The following ZNF331 variants were observed in gnomAD, a reference collection of about 807,000 sequenced individuals.
ZNF331 encodes the protein zinc finger protein 331.
A neutral mutation model predicts 7.0 loss-of-function variants in ZNF331; 2 were observed. The ratio of observed to expected loss-of-function variants is 0.29; its 90% CI spans 0.12 to 0.90. ZNF331 has a LOEUF of 0.90. ZNF331 is among the 40% of genes least tolerant of loss of function. The pLI is 0.58. For missense variants in ZNF331, 432 were observed against 587.7 expected, an observed-to-expected ratio of 0.74 and a Z score of 2.74; for synonymous variants, 196 against 205.4, an observed-to-expected ratio of 0.95 and a Z score of 0.39.
chr19:53,569,348 A>C lies in ZNF331; in HGVS notation c.-29A>C, dbSNP rs1225986884. On this transcript the variant is annotated 5_prime_UTR_variant, in exon 4 of 6. Coordinates refer to ENST00000449416, the MANE Select transcript of ZNF331 (RefSeq NM_001079906.2). The stretch of plus-strand genomic sequence containing the variant: ...GTCTTCTTCAGTGGAAACCCCGAGA[A>C]GACTGATCAGTTCTTCAGTTCTAAA... The C allele has an allele frequency of 1.2e-6, 2 of 1,613,450 alleles. No individual in the cohort carries two copies. Among genetic ancestry groups the C allele is most frequent in the South Asian group, 1.1e-5 (1 of 91,046 alleles).
At chr19:53,572,149 A>C (rs1415693437) in intron 5 of ZNF331, among the ~76,000 whole-genome samples, 1 of 152,198 alleles carries the variant, frequency 6.6e-6, no homozygotes, top group Non-Finnish European at 1.5e-5. Context: ...ATGTGTTTGA[A>C]GTACAGTAGA....
At chr19:53,562,271 A>T (rs2089929494) in intron 3 of ZNF331, among the ~76,000 whole-genome samples, 1 of 152,242 alleles carries the variant, frequency 6.6e-6, no homozygotes, top group African/African-American at 2.4e-5. Flanking sequence ...CTTTCTGGGT[A>T]ACATTAGCAA....
intron 3 of ZNF331, among the ~76,000 whole-genome samples, chr19:53,568,115 G>A (rs2090251495): frequency 6.6e-6 from 1 of 152,016 alleles, no homozygotes; most frequent in South Asian, 2.1e-4. Flanking sequence ...TGGACATGGT[G>A]GCATGTGCCT....
chr19:53,565,529 AT>A (rs548666219), intron 3 of ZNF331, among the ~76,000 whole-genome samples: 4 of 148,904 alleles, frequency 2.7e-5, no homozygotes, highest in East Asian at 2.0e-4. Flanking sequence ...TTTTATTTTT[AT>A]TTTTTTTTCT....
In ZNF331 at chr19:53,521,821, A is replaced by C. The variant is rs557249179; in HGVS notation, c.-536A>C. On this transcript the variant is annotated 5_prime_UTR_variant, in exon 1 of 7. Transcript: ENST00000253144. Reference sequence around the variant, plus strand: ...TGGGTGCATGGCCTTTTGAGTGAGCACAGGTGTGTGCGACCATGTCACCTG... The same window carrying C: ...TGGGTGCATGGCCTTTTGAGTGAGCCCAGGTGTGTGCGACCATGTCACCTG... The C allele has an allele frequency of 3.3e-5, 5 of 152,494 alleles. No individual in the cohort carries two copies. The East Asian group carries it at 9.7e-4, about 30-fold the overall frequency. 9.4% of individuals were successfully genotyped at this position (152,494 alleles called of 1,614,324 possible). A position where few individuals can be genotyped will look rare whatever the true frequency, so the allele number is the denominator to read the frequency against.
chr19:53,571,160 C>G lies in ZNF331; in HGVS notation c.10-444C>G, dbSNP rs890463068. Reference sequence around the variant, plus strand: ...CCTCCCAAAGTGTTGGGATTACAGGCGTGAGCCCCCCGCCCAGCCCCAGCA... The same window carrying G: ...CCTCCCAAAGTGTTGGGATTACAGGGGTGAGCCCCCCGCCCAGCCCCAGCA... On this transcript the variant is annotated intron_variant, in intron 4 of 5. Transcript: ENST00000449416. This position sits in a 1 kb window ranked among gnomAD's most constrained non-coding sequence, Gnocchi z 4.7. Among the ~76,000 whole-genome samples the G allele has an allele frequency of 6.6e-6, 1 of 152,128 alleles. No homozygotes were observed. The highest frequency in any genetic ancestry group is 1.9e-4 in the East Asian group (1 of 5,188).
At position 53,575,030 on chromosome 19, in the gene ZNF331, G is replaced by A. The variant is rs542974765; in HGVS notation, c.137-1667G>A. On this transcript the variant is annotated intron_variant, in intron 5 of 5. Coordinates refer to ENST00000449416, the MANE Select transcript of ZNF331 (RefSeq NM_001079906.2). ...TGGGCTCACTGCAGCCTTGACTTCC[G>A]GGCTCAAGCCATCCTCCCACCTCAG... 7.3e-5 allele frequency among the ~76,000 whole-genome samples: 11 copies of A among 149,914 alleles called. No individual in the cohort carries two copies. In the South Asian group the frequency reaches 8.5e-4, roughly 12 times the overall value.
intron 2 of ZNF331, among the ~76,000 whole-genome samples, chr19:53,545,109 C>T (rs1481551579): frequency 2.6e-5 from 4 of 152,180 alleles, no homozygotes; most frequent in Non-Finnish European, 5.9e-5. Context: ...TTTACAACTA[C>T]ATGTGAATCT....
intron 1 of ZNF331, among the ~76,000 whole-genome samples, chr19:53,522,273 G>A (rs2087115715): frequency 1.6e-5 from 2 of 125,080 alleles, no homozygotes; most frequent in South Asian, 2.2e-4. Context: ...TTTTTTTTGA[G>A]ACAGAGTCTT....
upstream of ZNF331, among the ~76,000 whole-genome samples, chr19:53,515,305 A>G (rs2086877610): frequency 6.6e-6 from 1 of 152,196 alleles, no homozygotes; most frequent in Non-Finnish European, 1.5e-5. Context: ...AAAATGATGA[A>G]AACACTCGCA....
intron 2 of ZNF331, among the ~76,000 whole-genome samples, chr19:53,540,453 G>C (rs1600266754): frequency 6.6e-6 from 1 of 150,942 alleles, no homozygotes; most frequent in East Asian, 1.9e-4. Context: ...CTGTAATTGA[G>C]ATGGAGGCTT....
intron 2 of ZNF331, among the ~76,000 whole-genome samples, chr19:53,526,561 C>CT (rs545640973): frequency 0.019 from 2,646 of 142,138 alleles, 33 homozygotes; most frequent in Middle Eastern, 0.027. Context: ...TTTTTTTTTT[C>CT]TTTTTTTTTT....
At position 53,571,748 on chromosome 19, in the gene ZNF331, G is replaced by C; in HGVS notation, c.136+18G>C. 6.3e-7 allele frequency: 1 copy of C among 1,594,942 alleles called. No homozygotes were observed. ...CTCACTGGGTGAGTTGCACGCCTCA[G>C]ATAACTTAGACTGCCTCCTGGAATA... On this transcript the variant is annotated intron_variant, in intron 5 of 5. Coordinates refer to ENST00000449416, the MANE Select transcript of ZNF331 (RefSeq NM_001079906.2). This position sits in a 1 kb window ranked among gnomAD's most constrained non-coding sequence, Gnocchi z 4.7.
intron 2 of ZNF331, among the ~76,000 whole-genome samples, chr19:53,554,379 G>A (rs1011592068): frequency 6.6e-6 from 1 of 152,114 alleles, no homozygotes; most frequent in African/African-American, 2.4e-5. Flanking sequence ...CGTGCATGTC[G>A]CGGTCTGGGT....
intron 2 of ZNF331, among the ~76,000 whole-genome samples, chr19:53,529,228 C>T (rs902773192): frequency 3.3e-5 from 5 of 151,826 alleles, no homozygotes; most frequent in African/African-American, 7.3e-5. Context: ...GGTGAAACCC[C>T]GTCTCTACTA....
At chr19:53,505,316 C>T in the ZNF331 span, among the ~76,000 whole-genome samples, 1 of 152,102 alleles carries the variant, frequency 6.6e-6, no homozygotes, top group South Asian at 2.1e-4. Flanking sequence ...TAGATGGAAT[C>T]TCACTCTGTC....
At chr19:53,575,214 C>T (rs921990329) in intron 5 of ZNF331, among the ~76,000 whole-genome samples, 6 of 152,006 alleles carry the variant, frequency 3.9e-5, no homozygotes, top group African/African-American at 1.2e-4. Context: ...GCTGGGATTA[C>T]AGGCGTGAGC....
chr19:53,547,918 A>AT (rs1244044041), intron 2 of ZNF331, among the ~76,000 whole-genome samples: 1 of 150,552 alleles, frequency 6.6e-6, no homozygotes, highest in Non-Finnish European at 1.5e-5. Context: ...ATGTTTTGTC[A>AT]TTTTTGTTTG....
Position 53,577,664 on chromosome 19 carries a change from T to C in ZNF331, c.1104T>C (p.Tyr368=), listed in dbSNP as rs1438937773. The change falls in exon 6 of 6, where the codon TAT becomes TAC. Residue 368 remains tyrosine, a synonymous_variant. Coordinates refer to ENST00000449416, the MANE Select transcript of ZNF331 (RefSeq NM_001079906.2). ...GTGGGAAGGCCTTCAATTGTGGCTATCACCTCACTCAGCACGAGAGAATCC... is the reference window on the plus strand; with the variant it reads ...GTGGGAAGGCCTTCAATTGTGGCTACCACCTCACTCAGCACGAGAGAATCC... ...TECGKAFNCG[Y]HLTQHERIHT... is the part of the protein sequence containing the mutation. 3 of 1,613,984 alleles carry C rather than the reference T, an allele frequency of 1.9e-6. No individual in the cohort carries two copies. Among genetic ancestry groups the C allele is most frequent in the Non-Finnish European group, 2.5e-6 (3 of 1,180,034 alleles).
Sources: gnomAD v4.1 joint callset for allele counts (sites outside exome capture counted in the v4.1 genomes callset) on GRCh38, gnomAD v4.1.1 for gene constraint, Gnocchi (gnomAD v3.1) non-coding constraint, MANE v1.5 for transcripts, NCBI Gene and HGNC (gene_info 2026-07-23, HGNC 2026-07-21) for gene names.